The following HOXA7 variants were observed in gnomAD, a reference collection of about 807,000 sequenced individuals.
The protein encoded by HOXA7 is homeobox protein Hox-A7.
HOXA7 carries 16 observed loss-of-function variants against 16.8 expected under a neutral mutation model. The ratio of observed to expected loss-of-function variants is 0.95; its 90% CI spans 0.64 to 1.44. HOXA7 has a LOEUF of 1.44. Among genes scored for constraint, HOXA7 ranks in the 40% most tolerant of loss-of-function variants. The pLI is 0.00. For synonymous variants in HOXA7, 169 were observed against 144.3 expected, an observed-to-expected ratio of 1.17 and a Z score of -1.23; for missense variants, 379 against 328.6, an observed-to-expected ratio of 1.15 and a Z score of -1.19.
chr7:27,154,929 C>A lies in HOXA7; in HGVS notation c.673G>T (p.Glu225Ter). The change falls in exon 2 of 2, where the codon GAG becomes TAG. Residue 225 changes from glutamate (E) to a stop codon, truncating the protein, a stop_gained. Coordinates refer to ENST00000242159, the MANE Select transcript of HOXA7 (RefSeq NM_006896.4). LOFTEE classifies it high-confidence loss of function. ...GCCCCTCATTCCTCCTCGTCTTCCT[C>A]TTCTTCATCATCGTCCTCCTCGTCG... ...KADEEDDDEE[E>*]EDEEE 6.2e-7 allele frequency: 1 copy of A among 1,610,820 alleles called. No individual in the cohort carries two copies. The highest frequency in any genetic ancestry group is 2.2e-5 in the East Asian group (1 of 44,784).
Position 27,156,550 on chromosome 7 carries a change from T to C in HOXA7, c.-5A>G. 6.4e-7 allele frequency: 1 copy of C among 1,562,710 alleles called. No homozygotes were observed. Among genetic ancestry groups the C allele is most frequent in the Non-Finnish European group, 8.7e-7 (1 of 1,151,346 alleles). On this transcript the variant is annotated 5_prime_UTR_variant, in exon 1 of 2. Coordinates refer to ENST00000242159, the MANE Select transcript of HOXA7 (RefSeq NM_006896.4). ...CACATAATACGAAGAACTCATAATT[T>C]TGACCTGTGATTTGTTGTCCGGCAG...
Position 27,155,093 on chromosome 7 carries a change from G to A in HOXA7, c.509C>T (p.Thr170Ile). ...RIEIAHALCL[T>I]ERQIKIWFQN... ...GAACCAGATCTTAATCTGGCGCTCG[G>A]TGAGGCAGAGCGCGTGGGCGATTTC... Residue 170 changes from threonine to isoleucine, a missense_variant, in exon 2 of 2, where the codon ACC (threonine) becomes ATC (isoleucine). Transcript: ENST00000242159. 6.2e-7 allele frequency: 1 copy of A among 1,614,256 alleles called. No individual in the cohort carries two copies. The highest frequency in any genetic ancestry group is 1.3e-5 in the African/African-American group (1 of 75,072).
chr7:27,156,202 GCC>G lies in HOXA7; in HGVS notation c.342_343del (p.Glu114AspfsTer15). ...CATCCAGGGGTAGATGCGGAAATTG[GCC>G]TCAGCCGCGCCATGCAGCGCGCCCT... On this transcript the variant is annotated frameshift_variant, in exon 1 of 2. Coordinates refer to ENST00000242159, the MANE Select transcript of HOXA7 (RefSeq NM_006896.4). LOFTEE classifies it high-confidence loss of function. 1 of 1,588,464 alleles carries G rather than the reference GCC, an allele frequency of 6.3e-7. No homozygotes were observed. The highest frequency in any genetic ancestry group is 8.6e-7 in the Non-Finnish European group (1 of 1,166,966).
Position 27,156,584 on chromosome 7 carries a change from G to A in HOXA7, c.-39C>T. ...GATTTGTTGTCCGGCAGCTTTCAGT[G>A]TCGGTTTTACGAGGTAGAGTGATAT... On this transcript the variant is annotated 5_prime_UTR_variant, in exon 1 of 2. Coordinates refer to ENST00000242159, the MANE Select transcript of HOXA7 (RefSeq NM_006896.4). 6.5e-7 allele frequency: 1 copy of A among 1,538,740 alleles called. No individual in the cohort carries two copies. The highest frequency in any genetic ancestry group is 8.8e-7 in the Non-Finnish European group (1 of 1,140,522).
At position 27,155,229 on chromosome 7, in the gene HOXA7, A is replaced by G. The variant is rs369836916; in HGVS notation, c.380-7T>C. Reference sequence around the variant, plus strand: ...CCCCGCTTCCTGTCAGGTCCTGAGAACAGACATGCAGACACATGAACACAA... The same window carrying G: ...CCCCGCTTCCTGTCAGGTCCTGAGAGCAGACATGCAGACACATGAACACAA... On this transcript the variant is annotated splice_polypyrimidine_tract_variant and splice_region_variant and intron_variant, in intron 1 of 1. Transcript: ENST00000242159. 1.6e-5 allele frequency: 26 copies of G among 1,613,236 alleles called. No homozygotes were observed. The highest frequency in any genetic ancestry group is 1.6e-4 in the Middle Eastern group (1 of 6,082).
In HOXA7 at chr7:27,156,183, G is replaced by A. The variant is rs1014684805; in HGVS notation, c.363C>T (p.Pro121=). Reference sequence around the variant, plus strand: ...TGCGCCTACCTGAAGACCGCATCCAGGGGTAGATGCGGAAATTGGCCTCAG... The same window carrying A: ...TGCGCCTACCTGAAGACCGCATCCAAGGGTAGATGCGGAAATTGGCCTCAG... ...GAAEANFRIY[P]WMRSSGPDRK... The change falls in exon 1 of 2, where the codon CCC becomes CCT. Residue 121 remains proline, a synonymous_variant. Coordinates refer to ENST00000242159, the MANE Select transcript of HOXA7 (RefSeq NM_006896.4). 1 of 1,576,234 alleles carries A rather than the reference G, an allele frequency of 6.3e-7. No homozygotes were observed. The highest frequency in any genetic ancestry group is 8.6e-7 in the Non-Finnish European group (1 of 1,160,184).
chr7:27,154,027 C>T lies in HOXA7; in HGVS notation c.*882G>A, dbSNP rs187649677. On this transcript the variant is annotated 3_prime_UTR_variant, in exon 2 of 2. Transcript: ENST00000242159. ...ATACAGTATCTGCTATTATAGGAAA[C>T]ATCAGGGCGTACATATTTAACACAG... is the stretch of plus-strand genomic sequence containing the variant. The T allele has an allele frequency of 7.2e-4, 110 of 152,524 alleles. 1 individual carries two copies. Among genetic ancestry groups the T allele is most frequent in the African/African-American group, 2.4e-3 (101 of 41,552 alleles). 9.4% of individuals were successfully genotyped at this position (152,524 alleles called of 1,614,324 possible). A position where few individuals can be genotyped will look rare whatever the true frequency, so the allele number is the denominator to read the frequency against.
rs1197414111 is a variant in HOXA7, at chr7:27,154,311, G to C, written c.*598C>G. 2 of 153,184 alleles carry C rather than the reference G, an allele frequency of 1.3e-5. No homozygotes were observed. Among genetic ancestry groups the C allele is most frequent in the Non-Finnish European group, 2.9e-5 (2 of 68,440 alleles). 9.5% of individuals were successfully genotyped at this position (153,184 alleles called of 1,614,324 possible). ...AAATAGATGCCAATACCCTGATCCT[G>C]GACCTCAGCACATTCTCAGGGCAGC... is the stretch of plus-strand genomic sequence containing the variant. On this transcript the variant is annotated 3_prime_UTR_variant, in exon 2 of 2. Transcript: ENST00000242159.
rs553021877 is a variant in HOXA7, at chr7:27,156,036, G to T, written c.379+131C>A. ...CCAGAAAGGCTGCGCCGGGAGTCAC[G>T]GGGCTACCGGCTCGCAACAGCCTGG... is the stretch of plus-strand genomic sequence containing the variant. On this transcript the variant is annotated intron_variant, in intron 1 of 1. Transcript: ENST00000242159. 1.9e-4 allele frequency: 206 copies of T among 1,107,820 alleles called. 3 individuals are homozygous for T. The South Asian group carries it at 4.8e-3, about 26-fold the overall frequency. The allele number at this position is 1,107,820 out of a possible 1,614,324, so 68.6% of individuals were successfully genotyped here. A position where few individuals can be genotyped will look rare whatever the true frequency, so the allele number is the denominator to read the frequency against.
chr7:27,155,037 G>A lies in HOXA7; in HGVS notation c.565C>T (p.His189Tyr). The A allele has an allele frequency of 6.2e-7, 1 of 1,614,212 alleles. No individual in the cohort carries two copies. Among genetic ancestry groups the A allele is most frequent in the Non-Finnish European group, 8.5e-7 (1 of 1,180,036 alleles). ...QNRRMKWKKE[H>Y]KDEGPTAAAA... ...GCGGCAGTCGGACCTTCGTCCTTAT[G>A]CTCTTTCTTCCACTTCATGCGGCGG... The change falls in exon 2 of 2, where the codon CAT (histidine) becomes TAT (tyrosine). Residue 189 changes from histidine (H) to tyrosine (Y), a missense_variant. By Grantham distance (83) the His-to-Tyr change is moderately conservative. Coordinates refer to ENST00000242159, the MANE Select transcript of HOXA7 (RefSeq NM_006896.4).
rs753340327 is a variant in HOXA7 at position 27,156,314 on chromosome 7, C to T, written c.232G>A (p.Gly78Ser). 5 of 1,613,908 alleles carry T rather than the reference C, an allele frequency of 3.1e-6. No individual in the cohort carries two copies. Among genetic ancestry groups the T allele is most frequent in the Admixed American group, 3.3e-5 (2 of 60,012 alleles). ...TCGTAGGAGGCGCAGGGCAGGTTGC[C>T]GTAGGCGTCGGCGCCCAGGCCGTAG... ...SGYGLGADAY[G>S]NLPCASYDQN... Residue 78 changes from glycine to serine, a missense_variant, in exon 1 of 2, where the codon GGC becomes AGC. Transcript: ENST00000242159.
In HOXA7 at chr7:27,156,538, G is replaced by T. The variant is rs757369844; in HGVS notation, c.8C>A (p.Ser3Tyr). 2.5e-6 allele frequency: 4 copies of T among 1,573,388 alleles called. No individual in the cohort carries two copies. The highest frequency in any genetic ancestry group is 2.3e-5 in the South Asian group (2 of 86,334). The change falls in exon 1 of 2, where the codon TCT (serine) becomes TAT (tyrosine). Residue 3 changes from serine (S) to tyrosine (Y), a missense_variant. Ser to Tyr is a moderately radical substitution (Grantham distance 144). Transcript: ENST00000242159. MS[S>Y]SYYVNALFSK... Reference sequence around the variant, plus strand: ...AAAAAGCGCGTTCACATAATACGAAGAACTCATAATTTTGACCTGTGATTT... The same window carrying T: ...AAAAAGCGCGTTCACATAATACGAATAACTCATAATTTTGACCTGTGATTT...
At chr7:27,155,467 G>T in intron 1 of HOXA7, 1 of 533,660 alleles carries the variant, frequency 1.9e-6, no homozygotes, top group Non-Finnish European at 3.3e-6. Flanking sequence ...CTTTACAACC[G>T]ACCTTTCCAG....
Position 27,154,915 on chromosome 7 carries a change from CTCCTCGTCT to C in HOXA7, c.678_686del (p.Asp227_Glu229del), listed in dbSNP as rs753489701. ...AGGGCCCCGGATCGGCCCCTCATTC[CTCCTCGTCT>C]TCCTCTTCTTCATCATCGTCCTCCT... On this transcript the variant is annotated inframe_deletion, in exon 2 of 2. Transcript: ENST00000242159. 175 of 1,608,486 alleles carry C rather than the reference CTCCTCGTCT, an allele frequency of 1.1e-4. No homozygotes were observed. Among genetic ancestry groups the C allele is most frequent in the Non-Finnish European group, 1.4e-4 (170 of 1,175,930 alleles).
chr7:27,156,079 C>G, intron 1 of HOXA7, 88 bp downstream of exon 1: 1 of 1,365,084 alleles, frequency 7.3e-7, no homozygotes, highest in South Asian at 1.8e-5. Flanking sequence ...CTTCCGGCCC[C>G]GCGCCCCGCG....
In HOXA7 at chr7:27,156,268, C is replaced by T. The variant is rs762960362; in HGVS notation, c.278G>A (p.Cys93Tyr). 39 of 1,612,648 alleles carry T rather than the reference C, an allele frequency of 2.4e-5. No individual in the cohort carries two copies. Among genetic ancestry groups the T allele is most frequent in the Non-Finnish European group, 3.2e-5 (38 of 1,179,560 alleles). Residue 93 changes from cysteine (C) to tyrosine (Y), a missense_variant, in exon 1 of 2, where the codon TGC becomes TAC. Cys to Tyr is a radical substitution (Grantham distance 194). Coordinates refer to ENST00000242159, the MANE Select transcript of HOXA7 (RefSeq NM_006896.4). The part of the protein sequence containing the change: ...ASYDQNIPGL[C>Y]SDLAKGACDK... ...GCAGGCGCCTTTGGCGAGGTCACTG[C>T]AGAGCCCGGGGATGTTTTGGTCGTA...
At chr7:27,155,294 C>G in intron 1 of HOXA7, 72 bp from the exon 2 acceptor site, 1 of 1,394,924 alleles carries the variant, frequency 7.2e-7, no homozygotes, top group South Asian at 1.2e-5. Context: ...GGCTGCTGTC[C>G]CAGAGCCCGC....
At chr7:27,156,034 A>T in intron 1 of HOXA7, 133 bp downstream of exon 1, 3 of 1,085,242 alleles carry the variant, frequency 2.8e-6, no homozygotes, top group Non-Finnish European at 2.4e-6. Context: ...GCCGGGAGTC[A>T]CGGGGCTACC....
intron 1 of HOXA7, chr7:27,155,822 G>A (rs1488385636): frequency 4.6e-6 from 1 of 219,308 alleles, no homozygotes; most frequent in Non-Finnish European, 8.8e-6. Flanking sequence ...GAAAGGGAGG[G>A]AGGGTGACAG....
Sources: allele counts gnomAD v4.1 joint callset, GRCh38; gene constraint gnomAD v4.1.1; transcripts MANE v1.5; gene names NCBI Gene and HGNC (gene_info 2026-07-23, HGNC 2026-07-21).